The following OSBPL9 variants were observed in gnomAD, a reference collection of about 807,000 sequenced individuals.
The protein encoded by OSBPL9 is oxysterol binding protein like 9, also known as oxysterol-binding protein-related protein 9.
OSBPL9 carries 40 observed loss-of-function variants against 106.6 expected under a neutral mutation model. The observed-to-expected ratio is 0.38, with a 90% CI of 0.29 to 0.49. The LOEUF (loss-of-function observed/expected upper bound fraction) is 0.49. Among genes scored for constraint, OSBPL9 ranks in the 20% least tolerant of loss-of-function variants. The pLI is 0.97. For synonymous variants in OSBPL9, 269 were observed against 295.4 expected (o/e 0.91, Z 0.92); for missense variants, 609 against 887.2 (o/e 0.69, Z 3.98).
chr1:51,683,776 G>C (rs1653140167), intron 3 of OSBPL9, among the ~76,000 whole-genome samples: 3 of 151,192 alleles, frequency 2.0e-5, no homozygotes, highest in Admixed American at 1.3e-4. Context: ...CTGGGCGACA[G>C]AGCAAGACTC....
intron 4 of OSBPL9, among the ~76,000 whole-genome samples, chr1:51,715,647 C>G (rs899894416): frequency 6.6e-6 from 1 of 152,164 alleles, no homozygotes; most frequent in African/African-American, 2.4e-5. Flanking sequence ...TTCCCGCCCC[C>G]CCATTGTTGG....
At chr1:51,744,966 A>T (rs1003238848) in intron 4 of OSBPL9, 2 of 153,098 alleles carry the variant, frequency 1.3e-5, no homozygotes, top group Non-Finnish European at 2.9e-5. Context: ...AGGAAACTTG[A>T]TTAGGACAGG....
At chr1:51,784,840 C>A in intron 20 of OSBPL9, 1 of 465,524 alleles carries the variant, frequency 2.1e-6, no homozygotes, top group South Asian at 2.8e-5. Flanking sequence ...AAGAGGCCTT[C>A]CTAGGTTGCC....
At chr1:51,678,566 C>T (rs930222921) in intron 3 of OSBPL9, among the ~76,000 whole-genome samples, 2 of 152,036 alleles carry the variant, frequency 1.3e-5, no homozygotes, top group Non-Finnish European at 1.5e-5. Flanking sequence ...TAGGCTGAGG[C>T]GGGAGAATCG....
chr1:51,534,029 A>AC, the OSBPL9 span, among the ~76,000 whole-genome samples: 1 of 150,032 alleles, frequency 6.7e-6, no homozygotes, highest in African/African-American at 2.4e-5. Context: ...ACATGGTGAA[A>AC]CCCCATCTCT....
intron 3 of OSBPL9, among the ~76,000 whole-genome samples, chr1:51,701,368 A>G (rs1265284961): frequency 6.6e-6 from 1 of 152,232 alleles, no homozygotes; most frequent in Non-Finnish European, 1.5e-5. Context: ...GTACTCTGTG[A>G]ATTTATTTAC....
In OSBPL9 at chr1:51,593,145, T is replaced by C. The variant is rs1249661150; in HGVS notation, c.-422-4979T>C. 4.6e-5 allele frequency among the ~76,000 whole-genome samples: 7 copies of C among 152,170 alleles called. No homozygotes were observed. The East Asian group carries it at 1.4e-3, about 29-fold the overall frequency. On this transcript the variant is annotated intron_variant, in intron 1 of 25. Coordinates refer to the OSBPL9 transcript ENST00000371714. ...CCCTCCCCTGTATTCCTATCACTAC[T>C]ACTCTGGTACAGCCTCTCTACTTTT... is the stretch of plus-strand genomic sequence containing the variant.
intron 3 of OSBPL9, among the ~76,000 whole-genome samples, chr1:51,712,469 C>T (rs1460285972): frequency 6.6e-6 from 1 of 152,166 alleles, no homozygotes; most frequent in African/African-American, 2.4e-5. Flanking sequence ...ATCTCTTTGA[C>T]TTACTGTCTT....
intron 4 of OSBPL9, chr1:51,724,979 CACATTAATTTGT>C (rs1444641855): frequency 3.3e-5 from 5 of 152,632 alleles, no homozygotes; most frequent in African/African-American, 1.2e-4. Context: ...TTTAATGTCT[CACATTAATTTGT>C]AGAAATTCTC....
chr1:51,519,269 G>C, the OSBPL9 span: 1 of 1,262,624 alleles, frequency 7.9e-7, no homozygotes. Context: ...AGGAAGACGG[G>C]CTGACTGGGG....
At chr1:51,602,725 C>T (rs1211429263) in intron 2 of OSBPL9, among the ~76,000 whole-genome samples, 1 of 152,190 alleles carries the variant, frequency 6.6e-6, no homozygotes, top group Non-Finnish European at 1.5e-5. Flanking sequence ...GGATTACAGG[C>T]ATGAGCTACT....
intron 1 of OSBPL9, among the ~76,000 whole-genome samples, chr1:51,585,175 T>TAAA (rs11381242): frequency 0.02 from 2,860 of 141,010 alleles, 49 homozygotes; most frequent in South Asian, 0.036. Context: ...CCCCATCTCT[T>TAAA]AAAAAAAAAA....
intron 1 of OSBPL9, among the ~76,000 whole-genome samples, chr1:51,597,409 G>GTA (rs374626875): frequency 0.069 from 9,285 of 135,370 alleles, 365 homozygotes; most frequent in East Asian, 0.091. Context: ...ATATATGTGT[G>GTA]TATATATATA....
intron 2 of OSBPL9, among the ~76,000 whole-genome samples, chr1:51,655,514 T>C (rs1175876422): frequency 6.6e-6 from 1 of 152,212 alleles, no homozygotes; most frequent in African/African-American, 2.4e-5. Flanking sequence ...AGACCTCATG[T>C]GATGACATCG....
intron 15 of OSBPL9, 44 bp from the exon 16 acceptor site, chr1:51,781,119 TG>T (rs779282736): frequency 1.3e-6 from 2 of 1,587,804 alleles, no homozygotes; most frequent in Non-Finnish European, 1.7e-6. Flanking sequence ...CATCTTGTCT[TG>T]TACCAGAAAG....
At chr1:51,732,908 C>T (rs1664781715) in intron 4 of OSBPL9, among the ~76,000 whole-genome samples, 1 of 152,208 alleles carries the variant, frequency 6.6e-6, no homozygotes, top group Non-Finnish European at 1.5e-5. Context: ...GCTTTACCCA[C>T]GGCATCCACT....
Position 51,606,966 on chromosome 1 carries a change from C to T in OSBPL9, c.-352-7339C>T, listed in dbSNP as rs1047872971. The stretch of plus-strand genomic sequence containing the variant: ...TCGGGAGGCTGAGGCAGGAGAATGG[C>T]GTGAACCCGGGAGGCGGAGCTTGCA... On this transcript the variant is annotated intron_variant, in intron 2 of 25. Transcript: ENST00000371714. 8.1e-4 allele frequency among the ~76,000 whole-genome samples: 123 copies of T among 151,786 alleles called. 1 individual carries two copies. Among genetic ancestry groups the T allele is most frequent in the Middle Eastern group, 3.4e-3 (1 of 294 alleles).
intron 3 of OSBPL9, among the ~76,000 whole-genome samples, chr1:51,689,718 C>T (rs1435777832): frequency 1.3e-5 from 2 of 152,156 alleles, no homozygotes; most frequent in Non-Finnish European, 2.9e-5. Flanking sequence ...ATTTTGGTAA[C>T]CTACCACCTC....
At chr1:51,740,308 A>G (rs1369385804) in intron 4 of OSBPL9, 4 of 1,316,838 alleles carry the variant, frequency 3.0e-6, no homozygotes, top group Non-Finnish European at 3.9e-6. Flanking sequence ...TGTGAACATA[A>G]ACTTTCCAAT....
Sources: allele counts gnomAD v4.1 joint callset (sites outside exome capture counted in the v4.1 genomes callset), GRCh38; gene constraint gnomAD v4.1.1; transcripts MANE v1.5; gene names NCBI Gene and HGNC (gene_info 2026-07-23, HGNC 2026-07-21).